Variants in PRKCE observed in about 807,000 individuals in gnomAD.
PRKCE encodes the protein protein kinase C epsilon type.
In PRKCE, 16 loss-of-function variants were observed where a neutral mutation model predicts 85.4. The ratio of observed to expected loss-of-function variants is 0.19; its 90% CI spans 0.13 to 0.28. The LOEUF is 0.28. PRKCE is among the 10% of genes least tolerant of loss of function. The pLI, the probability that PRKCE is intolerant of heterozygous loss-of-function variation, is 1.00. For missense variants in PRKCE, 573 were observed against 975.2 expected (o/e 0.59, Z 5.49); for synonymous variants, 388 against 371.5 (o/e 1.04, Z -0.51).
At chr2:45,842,218 T>G (rs959320602) in intron 1 of PRKCE, among the ~76,000 whole-genome samples, 2 of 152,206 alleles carry the variant, frequency 1.3e-5, no homozygotes, top group Non-Finnish European at 2.9e-5. Context: ...TAGCTGGATT[T>G]GAGGTGGGGA....
At chr2:45,829,830 T>C (rs1404045748) in intron 1 of PRKCE, among the ~76,000 whole-genome samples, 1 of 151,690 alleles carries the variant, frequency 6.6e-6, no homozygotes, top group Non-Finnish European at 1.5e-5. Context: ...TCCCAGCACT[T>C]TGGGAGGCCG....
intron 4 of PRKCE, among the ~76,000 whole-genome samples, chr2:45,980,072 A>G (rs1305568335): frequency 1.3e-5 from 2 of 152,224 alleles, no homozygotes; most frequent in East Asian, 1.9e-4. Flanking sequence ...TCCTTTGAAT[A>G]TAAATGTTAC....
At chr2:45,968,633 A>G (rs1285254318) in intron 2 of PRKCE, among the ~76,000 whole-genome samples, 2 of 152,244 alleles carry the variant, frequency 1.3e-5, no homozygotes, top group Non-Finnish European at 2.9e-5. Flanking sequence ...TTGAAATAAA[A>G]AAGTTTTTTT....
chr2:45,735,478 T>C (rs78656987), intron 1 of PRKCE, among the ~76,000 whole-genome samples: 3,127 of 152,296 alleles, frequency 0.021, 101 homozygotes, highest in African/African-American at 0.071. Context: ...GGCAAGTCAT[T>C]TGACTTTTCT....
At chr2:45,816,298 A>G (rs1284807189) in intron 1 of PRKCE, among the ~76,000 whole-genome samples, 1 of 152,060 alleles carries the variant, frequency 6.6e-6, no homozygotes, top group Admixed American at 6.6e-5. Flanking sequence ...TTCATCCTAG[A>G]TGACCAGGCT....
chr2:45,912,069 C>A (rs1004093710), intron 2 of PRKCE, among the ~76,000 whole-genome samples: 4 of 152,104 alleles, frequency 2.6e-5, no homozygotes, highest in African/African-American at 9.7e-5. Flanking sequence ...GTTTCAGGGT[C>A]TTTCTCTTTC....
At chr2:46,009,469 G>C (rs544444015) in intron 9 of PRKCE, among the ~76,000 whole-genome samples, 1 of 152,136 alleles carries the variant, frequency 6.6e-6, no homozygotes, top group African/African-American at 2.4e-5. Context: ...ATAGCATCAA[G>C]GTAACATTTC....
chr2:45,787,029 T>C (rs1029348967), intron 1 of PRKCE, among the ~76,000 whole-genome samples: 5 of 152,132 alleles, frequency 3.3e-5, no homozygotes, highest in African/African-American at 4.8e-5. Context: ...ATCCTATGGG[T>C]TTGGGAATCT....
chr2:45,709,103 T>C (rs1679378131), intron 1 of PRKCE, among the ~76,000 whole-genome samples: 1 of 152,242 alleles, frequency 6.6e-6, no homozygotes, highest in Non-Finnish European at 1.5e-5. Flanking sequence ...TTACTGGCGC[T>C]GCTGCTCACA....
intron 10 of PRKCE, among the ~76,000 whole-genome samples, chr2:46,025,843 G>A (rs1158299131): frequency 6.6e-6 from 1 of 152,158 alleles, no homozygotes; most frequent in Non-Finnish European, 1.5e-5. Flanking sequence ...TTAGCTCCCT[G>A]GCCAGTGTTG....
At chr2:45,876,535 C>T (rs2105784956) in intron 2 of PRKCE, among the ~76,000 whole-genome samples, 1 of 152,318 alleles carries the variant, frequency 6.6e-6, no homozygotes, top group Non-Finnish European at 1.5e-5. Context: ...GGGGTAAATC[C>T]CACTTTTTAA....
At chr2:45,707,748 G>A (rs1401678252) in intron 1 of PRKCE, among the ~76,000 whole-genome samples, 2 of 152,210 alleles carry the variant, frequency 1.3e-5, no homozygotes, top group African/African-American at 4.8e-5. Flanking sequence ...GAAATAAAAT[G>A]GAAATAGCTC....
chr2:45,721,878 TAAA>T (rs747265509), intron 1 of PRKCE, among the ~76,000 whole-genome samples: 1 of 136,222 alleles, frequency 7.3e-6, no homozygotes, highest in Admixed American at 7.4e-5. Flanking sequence ...CCCTGACTCT[TAAA>T]AAAAAAAAAA....
intron 2 of PRKCE, among the ~76,000 whole-genome samples, chr2:45,893,081 T>C (rs1900841): frequency 0.37 from 56,006 of 151,968 alleles, 10,672 homozygotes; most frequent in East Asian, 0.57. Context: ...CACAGAACCC[T>C]GCAGGCCATA....
chr2:45,992,725 G>C (rs1438380463), intron 6 of PRKCE, among the ~76,000 whole-genome samples: 1 of 152,194 alleles, frequency 6.6e-6, no homozygotes, highest in Admixed American at 6.5e-5. Flanking sequence ...GCTTGCTTTG[G>C]AGGAATTCCC....
At chr2:45,903,919 T>TTTG (rs879862102) in intron 2 of PRKCE, among the ~76,000 whole-genome samples, 14,633 of 137,946 alleles carry the variant, frequency 0.11, 1,063 homozygotes, top group African/African-American at 0.14. Flanking sequence ...TTGTTTGTTT[T>TTTG]TTTTGGCAGG....
chr2:46,085,736 G>T (rs1005793847), intron 10 of PRKCE, among the ~76,000 whole-genome samples: 55 of 104,554 alleles, frequency 5.3e-4, no homozygotes, highest in South Asian at 7.0e-4. Flanking sequence ...TGCAAAATCC[G>T]TTTTTTTTTT....
intron 10 of PRKCE, among the ~76,000 whole-genome samples, chr2:46,024,467 C>T (rs1006552752): frequency 6.6e-6 from 1 of 152,242 alleles, no homozygotes; most frequent in South Asian, 2.1e-4. Context: ...GCAGGAGGTA[C>T]AAATTAATTC....
At chr2:45,708,551 A>T (rs1679324966) in intron 1 of PRKCE, among the ~76,000 whole-genome samples, 3 of 152,156 alleles carry the variant, frequency 2.0e-5, no homozygotes, top group African/African-American at 4.8e-5. Flanking sequence ...GTAAGATGTG[A>T]CTTGCTCCTC....
Sources: gnomAD v4.1 joint callset for allele counts (sites outside exome capture counted in the v4.1 genomes callset) on GRCh38, gnomAD v4.1.1 for gene constraint, MANE v1.5 for transcripts, NCBI Gene and HGNC (gene_info 2026-07-23, HGNC 2026-07-21) for gene names.